Variants in ACER1 observed in about 807,000 individuals in gnomAD.
The protein encoded by ACER1 is alkaline ceramidase 1.
A neutral mutation model predicts 24.9 loss-of-function variants in ACER1; 28 were observed. The observed-to-expected ratio is 1.13, with a 90% CI of 0.83 to 1.54. The LOEUF is 1.54. ACER1 is among the 40% of genes most tolerant of loss of function. The probability of loss-of-function intolerance (pLI) is 0.00; values close to 1 mark genes in which losing one functional copy is unlikely to be tolerated. For missense variants in ACER1, 352 were observed against 349.3 expected (o/e 1.01, Z -0.06); for synonymous variants, 132 against 131.4 (o/e 1.00, Z -0.03).
intron 1 of ACER1, among the ~76,000 whole-genome samples, chr19:6,320,992 T>G (rs1287552533): frequency 6.6e-6 from 1 of 151,670 alleles, no homozygotes; most frequent in Non-Finnish European, 1.5e-5. Flanking sequence ...GTGGGTTGTT[T>G]TTTTTTTTTT....
intron 4 of ACER1, among the ~76,000 whole-genome samples, chr19:6,308,943 A>G (rs1340089422): frequency 1.3e-5 from 2 of 152,130 alleles, no homozygotes; most frequent in Admixed American, 6.6e-5. Context: ...TCACGCCTGT[A>G]ATCTCAACAC....
At chr19:6,352,247 G>T in the ACER1 span, among the ~76,000 whole-genome samples, 1 of 152,054 alleles carries the variant, frequency 6.6e-6, no homozygotes, top group Non-Finnish European at 1.5e-5. Context: ...TTTGGGTTGG[G>T]CTATGTGACT....
chr19:6,326,120 ATT>A (rs961518968), intron 1 of ACER1, among the ~76,000 whole-genome samples: 25 of 97,246 alleles, frequency 2.6e-4, no homozygotes, highest in Admixed American at 6.8e-4. Flanking sequence ...ATGCTCAGCT[ATT>A]TTTTTTTTTT....
At position 6,312,205 on chromosome 19, in the gene ACER1, A is replaced by G; in HGVS notation, c.294T>C (p.Ser98=). The G allele has an allele frequency of 6.2e-7, 1 of 1,613,996 alleles. No homozygotes were observed. The highest frequency in any genetic ancestry group is 8.5e-7 in the Non-Finnish European group (1 of 1,179,924). The stretch of plus-strand genomic sequence containing the variant: ...AGCGGGGCATCCATATGCTATAGCC[A>G]CTGCCCAGGAGCCACAGGATGGCGA... ...DEIAILWLLG[S]GYSIWMPRCY... The change falls in exon 3 of 6, where the codon AGT becomes AGC. Residue 98 remains serine, a synonymous_variant. Coordinates refer to ENST00000301452, the MANE Select transcript of ACER1 (RefSeq NM_133492.3).
chr19:6,354,888 TA>T, the ACER1 span, among the ~76,000 whole-genome samples: 2 of 152,188 alleles, frequency 1.3e-5, no homozygotes, highest in Non-Finnish European at 2.9e-5. Flanking sequence ...AGCTGGACTG[TA>T]CTGCTGCCAT....
the ACER1 span, among the ~76,000 whole-genome samples, chr19:6,357,192 G>A: frequency 6.2e-3 from 943 of 152,036 alleles, 26 homozygotes; most frequent in East Asian, 0.016. Context: ...GACTACAGGC[G>A]CAGGCCACCA....
At chr19:6,337,644 CT>C (rs201527238), upstream of ACER1, among the ~76,000 whole-genome samples, 8,907 of 58,288 alleles carry the variant, frequency 0.15, 587 homozygotes, top group East Asian at 0.38. Context: ...TTTTTCTTTT[CT>C]TTTCTTTCTT....
chr19:6,325,390 C>T lies in ACER1; in HGVS notation c.93+8069G>A, dbSNP rs147544369. 2.1e-3 allele frequency among the ~76,000 whole-genome samples: 321 copies of T among 152,286 alleles called. 2 individuals carry two copies. The highest frequency in any genetic ancestry group is 7.4e-3 in the African/African-American group (306 of 41,576). The stretch of plus-strand genomic sequence containing the variant: ...GACCTTGGCCGGGTGCAGTGGCTCA[C>T]GCCTGTTATCCCAGCACTTTGGGAG... On this transcript the variant is annotated intron_variant, in intron 1 of 5. Coordinates refer to ENST00000301452, the MANE Select transcript of ACER1 (RefSeq NM_133492.3).
chr19:6,315,181 C>G (rs1431205835), intron 1 of ACER1, among the ~76,000 whole-genome samples: 1 of 140,284 alleles, frequency 7.1e-6, no homozygotes, highest in Non-Finnish European at 1.5e-5. Flanking sequence ...CTGCACCCGG[C>G]CTTATTTATT....
chr19:6,314,216 T>C (rs1027990424), intron 1 of ACER1, among the ~76,000 whole-genome samples: 1 of 151,918 alleles, frequency 6.6e-6, no homozygotes, highest in African/African-American at 2.4e-5. Context: ...ACACCTGTAA[T>C]CCTAGCACTT....
At chr19:6,314,430 A>G (rs909317761) in intron 1 of ACER1, among the ~76,000 whole-genome samples, 2 of 150,962 alleles carry the variant, frequency 1.3e-5, no homozygotes, top group East Asian at 1.9e-4. Flanking sequence ...AGATCACGCC[A>G]TCGCACTCCA....
the ACER1 span, among the ~76,000 whole-genome samples, chr19:6,352,978 T>C: frequency 6.6e-6 from 1 of 152,168 alleles, no homozygotes; most frequent in East Asian, 1.9e-4. Context: ...GCCAAAATAC[T>C]CATTCATTCA....
At chr19:6,342,342 A>G in the ACER1 span, among the ~76,000 whole-genome samples, 1 of 146,278 alleles carries the variant, frequency 6.8e-6, no homozygotes, top group African/African-American at 2.5e-5. Context: ...GCTCACTGCA[A>G]TTTCTGTTTG....
At chr19:6,311,619 AAGGAGG>A (rs927026471) in intron 3 of ACER1, among the ~76,000 whole-genome samples, 1 of 145,500 alleles carries the variant, frequency 6.9e-6, no homozygotes, top group African/African-American at 2.6e-5. Flanking sequence ...GGAGAAGGAG[AAGGAGG>A]AGGAGGAGAA....
At position 6,327,002 on chromosome 19, in the gene ACER1, T is replaced by C. The variant is rs912096423; in HGVS notation, c.93+6457A>G. The stretch of plus-strand genomic sequence containing the variant: ...TCCTTCCCCACTTGGCAAACTCCTA[T>C]TCATCTTTCAAAACCCAACTCCTAC... On this transcript the variant is annotated intron_variant, in intron 1 of 5. Transcript: ENST00000301452. Among the ~76,000 whole-genome samples, 5 of 152,286 alleles carry C rather than the reference T, an allele frequency of 3.3e-5. No homozygotes were observed. The East Asian group carries it at 9.7e-4, about 29-fold the overall frequency.
intron 1 of ACER1, among the ~76,000 whole-genome samples, chr19:6,325,374 C>T (rs913541307): frequency 1.3e-5 from 2 of 152,188 alleles, no homozygotes; most frequent in African/African-American, 4.8e-5. Flanking sequence ...AGACCTTGGC[C>T]GGGTGCAGTG....
intron 1 of ACER1, among the ~76,000 whole-genome samples, chr19:6,325,005 G>A (rs574693624): frequency 6.4e-4 from 97 of 152,122 alleles, no homozygotes; most frequent in Non-Finnish European, 3.7e-4. Context: ...GCAAACTGAC[G>A]GAGCCCACAC....
chr19:6,320,729 A>G (rs922226647), intron 1 of ACER1, among the ~76,000 whole-genome samples: 1 of 152,088 alleles, frequency 6.6e-6, no homozygotes, highest in African/African-American at 2.4e-5. Flanking sequence ...TGCAATTGTA[A>G]TTTGCATACT....
chr19:6,308,498 T>C (rs7258219), intron 4 of ACER1, among the ~76,000 whole-genome samples: 136,560 of 151,344 alleles, frequency 0.9, 61,630 homozygotes, highest in Middle Eastern at 0.96. Flanking sequence ...GAGGAGTAAA[T>C]TGAGGCACAG....
Sources: gnomAD v4.1 joint callset for allele counts (sites outside exome capture counted in the v4.1 genomes callset) on GRCh38, gnomAD v4.1.1 for gene constraint, MANE v1.5 for transcripts, NCBI Gene and HGNC (gene_info 2026-07-23, HGNC 2026-07-21) for gene names.